Variants in MSI2 observed in about 807,000 individuals in gnomAD.
MSI2 encodes RNA-binding protein Musashi homolog 2.
Under a neutral mutation model 45.6 loss-of-function variants are expected in MSI2, and 17 were observed. That is an observed-to-expected ratio of 0.37 (90% CI 0.26 to 0.56). MSI2 has a LOEUF of 0.56. Ranked by LOEUF, MSI2 falls within the 20% of genes least tolerant of loss-of-function variation. The pLI is 0.77. For synonymous variants in MSI2, 156 were observed against 158.2 expected, an observed-to-expected ratio of 0.99 and a Z score of 0.11; for missense variants, 293 against 444.2, an observed-to-expected ratio of 0.66 and a Z score of 3.06.
the MSI2 span, among the ~76,000 whole-genome samples, chr17:57,698,106 C>T: frequency 8.5e-5 from 13 of 152,296 alleles, no homozygotes; most frequent in Non-Finnish European, 1.6e-4. Context: ...TCCCACCTTC[C>T]TGTCACTCTT....
At chr17:57,348,708 C>T (rs540381574) in intron 5 of MSI2, among the ~76,000 whole-genome samples, 9 of 152,176 alleles carry the variant, frequency 5.9e-5, no homozygotes, top group African/African-American at 1.2e-4. Context: ...TGAAGAACCG[C>T]GAGCCAAAAA....
intron 7 of MSI2, among the ~76,000 whole-genome samples, chr17:57,555,365 T>G (rs772215470): frequency 5.3e-5 from 8 of 152,172 alleles, no homozygotes; most frequent in Non-Finnish European, 1.2e-4. Context: ...GTGATTCTGG[T>G]CGTGCCAAGT....
chr17:57,520,925 AAAGTGCTGGAATTAC>A lies in MSI2; in HGVS notation c.406-8749_406-8735del, dbSNP rs199558042. ...AGTGATCTGCCCACCTCGGCCTCCC[AAAGTGCTGGAATTAC>A]AGACGTGAGCCACTGCCCCCAGCCC... On this transcript the variant is annotated intron_variant, in intron 6 of 13. Coordinates refer to ENST00000284073, the MANE Select transcript of MSI2 (RefSeq NM_138962.4). Among the ~76,000 whole-genome samples, 350 of 152,212 alleles carry A rather than the reference AAAGTGCTGGAATTAC, an allele frequency of 2.3e-3. 2 individuals are homozygous for A. The highest frequency in any genetic ancestry group is 0.013 in the East Asian group (69 of 5,188).
At chr17:57,463,887 T>TAG (rs2143638701) in intron 6 of MSI2, among the ~76,000 whole-genome samples, 1 of 152,216 alleles carries the variant, frequency 6.6e-6, no homozygotes, top group Non-Finnish European at 1.5e-5. Flanking sequence ...TCTGGATCCT[T>TAG]AGACTGGAAC....
chr17:57,598,958 C>G (rs572205482), intron 8 of MSI2, among the ~76,000 whole-genome samples: 4 of 152,154 alleles, frequency 2.6e-5, no homozygotes, highest in Non-Finnish European at 4.4e-5. Context: ...CCACTGTGCC[C>G]GACCAGTACT....
rs1390838392 is a variant in MSI2, at chr17:57,568,711, TTTCAGCACA to T, written c.455-28153_455-28145del. On this transcript the variant is annotated intron_variant, in intron 7 of 13. Transcript: ENST00000284073. Reference sequence around the variant, plus strand: ...TGTTATTAAACTCCTAGAGGGTGCTTTTCAGCACATTCCTTCATGTTAAAATTGCCATAG... The same window carrying T: ...TGTTATTAAACTCCTAGAGGGTGCTTTTCCTTCATGTTAAAATTGCCATAG... 2.6e-5 allele frequency among the ~76,000 whole-genome samples: 4 copies of T among 152,226 alleles called. No homozygotes were observed. In the East Asian group the frequency reaches 7.7e-4, roughly 29 times the overall value.
intron 5 of MSI2, among the ~76,000 whole-genome samples, chr17:57,380,331 G>A (rs1367489324): frequency 6.6e-6 from 1 of 152,170 alleles, no homozygotes; most frequent in African/African-American, 2.4e-5. Context: ...AACCCACAGC[G>A]GGCGGCCTGG....
intron 5 of MSI2, among the ~76,000 whole-genome samples, chr17:57,306,342 T>A (rs1420673593): frequency 6.6e-6 from 1 of 152,078 alleles, no homozygotes; most frequent in Middle Eastern, 3.2e-3. Flanking sequence ...CCCACTGAGA[T>A]CTGCTTGTTA....
At chr17:57,403,191 G>C (rs2084024427) in intron 6 of MSI2, among the ~76,000 whole-genome samples, 1 of 152,158 alleles carries the variant, frequency 6.6e-6, no homozygotes, top group Non-Finnish European at 1.5e-5. Context: ...GCCCAGATGG[G>C]CTTTTAGAGT....
In MSI2 at chr17:57,563,098, C is replaced by CAAAA. The variant is rs59975200; in HGVS notation, c.454+33394_454+33397dup. Among the ~76,000 whole-genome samples the CAAAA allele has an allele frequency of 4.8e-3, 345 of 71,168 alleles. 5 individuals carry two copies. The highest frequency in any genetic ancestry group is 0.014 in the African/African-American group (240 of 17,082). 46.7% of individuals were successfully genotyped at this position (71,168 alleles called of 152,430 possible). A position where few individuals can be genotyped will look rare whatever the true frequency, so the allele number is the denominator to read the frequency against. ...GGGTGACAGAGCAAAACTTCGTCTCCAAAAAAAAAAAAAAAAAAAAAAACA... is the reference window on the plus strand; with the variant it reads ...GGGTGACAGAGCAAAACTTCGTCTCCAAAAAAAAAAAAAAAAAAAAAAAAAAACA... On this transcript the variant is annotated intron_variant, in intron 7 of 13. Coordinates refer to ENST00000284073, the MANE Select transcript of MSI2 (RefSeq NM_138962.4).
intron 8 of MSI2, among the ~76,000 whole-genome samples, chr17:57,608,881 T>C (rs1906940468): frequency 6.6e-6 from 1 of 152,152 alleles, no homozygotes; most frequent in African/African-American, 2.4e-5. Context: ...ATGTCCTGCT[T>C]TTTGTGGGGT....
chr17:57,368,865 A>G (rs2083378882), intron 5 of MSI2, among the ~76,000 whole-genome samples: 1 of 152,184 alleles, frequency 6.6e-6, no homozygotes, highest in African/African-American at 2.4e-5. Flanking sequence ...TGAAGGATGA[A>G]TAGAAGTTTA....
At chr17:57,394,126 CT>C (rs2083846056) in intron 5 of MSI2, among the ~76,000 whole-genome samples, 1 of 152,168 alleles carries the variant, frequency 6.6e-6, no homozygotes, top group African/African-American at 2.4e-5. Flanking sequence ...TGCATCTTTG[CT>C]GCAAAATTAG....
chr17:57,616,305 T>G lies in MSI2; in HGVS notation c.652+221T>G, dbSNP rs1907703042. On this transcript the variant is annotated intron_variant, in intron 9 of 13. Coordinates refer to ENST00000284073, the MANE Select transcript of MSI2 (RefSeq NM_138962.4). ...CATGTGTGTGTGTGTGTGTGTGTGTTTGTATTTATAATATTGCCCCATGCC... is the reference window on the plus strand; with the variant it reads ...CATGTGTGTGTGTGTGTGTGTGTGTGTGTATTTATAATATTGCCCCATGCC... 1.0e-5 allele frequency: 4 copies of G among 391,032 alleles called. No homozygotes were observed. The Admixed American group carries it at 1.3e-4, about 13-fold the overall frequency. The allele number at this position is 391,032 out of a possible 1,614,324, so 24.2% of individuals were successfully genotyped here. A position where few individuals can be genotyped will look rare whatever the true frequency, so the allele number is the denominator to read the frequency against.
rs192795859 is a variant in MSI2, at chr17:57,284,243, C to T, written c.312+22051C>T. ...CACCCGGTCATGGTAGTCCTGGTGA[C>T]GCCTGGCTGCAGGGTTTCGAAGGTG... is the stretch of plus-strand genomic sequence containing the variant. On this transcript the variant is annotated intron_variant, in intron 5 of 13. Transcript: ENST00000284073. Among the ~76,000 whole-genome samples the T allele has an allele frequency of 1.4e-4, 22 of 152,192 alleles. No homozygotes were observed. In the East Asian group the frequency reaches 2.3e-3, roughly 16 times the overall value.
chr17:57,423,658 A>G (rs2084437219), intron 6 of MSI2, among the ~76,000 whole-genome samples: 1 of 152,172 alleles, frequency 6.6e-6, no homozygotes, highest in Non-Finnish European at 1.5e-5. Flanking sequence ...TTGATTTGTC[A>G]TCTTTCCTTC....
chr17:57,374,968 C>T lies in MSI2; in HGVS notation c.313-26411C>T, dbSNP rs568666661. ...CAGCATCTCTAGTGAGACTTCAGGA[C>T]ATCCCTGAACATTCCCCATACAGAT... On this transcript the variant is annotated intron_variant, in intron 5 of 13. Coordinates refer to ENST00000284073, the MANE Select transcript of MSI2 (RefSeq NM_138962.4). 6.6e-4 allele frequency among the ~76,000 whole-genome samples: 101 copies of T among 152,248 alleles called. 1 individual carries two copies. In the South Asian group the frequency reaches 0.02, roughly 30 times the overall value.
chr17:57,492,012 A>C (rs1294457573), intron 6 of MSI2, among the ~76,000 whole-genome samples: 6 of 152,228 alleles, frequency 3.9e-5, no homozygotes, highest in Non-Finnish European at 8.8e-5. Flanking sequence ...GTTGCGATTA[A>C]AGCTTTTCTA....
chr17:57,309,969 G>C (rs1003537515), intron 5 of MSI2, among the ~76,000 whole-genome samples: 3 of 152,232 alleles, frequency 2.0e-5, no homozygotes, highest in Admixed American at 6.5e-5. Context: ...CGGTGATGAT[G>C]GGGGTGCAGG....
Sources: gnomAD v4.1 joint callset for allele counts (sites outside exome capture counted in the v4.1 genomes callset) on GRCh38, gnomAD v4.1.1 for gene constraint, MANE v1.5 for transcripts, NCBI Gene and HGNC (gene_info 2026-07-23, HGNC 2026-07-21) for gene names.